FSTL5: variants seen among roughly 807,000 people sequenced by gnomAD.
The protein encoded by FSTL5 is follistatin like 5, also known as follistatin-related protein 5.
In FSTL5, 62 loss-of-function variants were observed where a neutral mutation model predicts 89.1. The ratio of observed to expected loss-of-function variants is 0.70; its 90% CI spans 0.57 to 0.86. The LOEUF is 0.86. Among genes scored for constraint, FSTL5 ranks in the 40% least tolerant of loss-of-function variants. The pLI is 0.00. For synonymous variants in FSTL5, 383 were observed against 346.2 expected (o/e 1.11, Z -1.18); for missense variants, 1,057 against 1,001.6 (o/e 1.06, Z -0.75).
intron 7 of FSTL5, among the ~76,000 whole-genome samples, chr4:161,610,885 T>G (rs1023109241): frequency 6.6e-6 from 1 of 151,962 alleles, no homozygotes; most frequent in African/African-American, 2.4e-5. Flanking sequence ...AAAAATCAAC[T>G]ATGCTAGATC....
At chr4:161,697,722 A>G (rs1056450239) in intron 6 of FSTL5, among the ~76,000 whole-genome samples, 1 of 152,168 alleles carries the variant, frequency 6.6e-6, no homozygotes, top group African/African-American at 2.4e-5. Context: ...CTTAGAGGGC[A>G]TTGTGTTAAG....
rs553084884 is a variant in FSTL5, at chr4:161,383,918, C to A, written c.*1829G>T. ...AGGGTTAAAATGTAAGAGGTTTATT[C>A]TCCTTTTATCAAGCAGTGTCTACAG... On this transcript the variant is annotated 3_prime_UTR_variant, in exon 16 of 16. Transcript: ENST00000306100. 2.6e-4 allele frequency: 39 copies of A among 152,220 alleles called. No individual in the cohort carries two copies. Among genetic ancestry groups the A allele is most frequent in the African/African-American group, 9.1e-4 (38 of 41,544 alleles). The allele number at this position is 152,220 out of a possible 1,614,324, so 9.4% of individuals were successfully genotyped here.
At chr4:161,831,393 C>T (rs1048467555) in intron 4 of FSTL5, among the ~76,000 whole-genome samples, 5 of 151,770 alleles carry the variant, frequency 3.3e-5, no homozygotes, top group African/African-American at 1.2e-4. Context: ...CACCATTTGC[C>T]TGGCTATTAA....
At chr4:161,644,848 A>C (rs1435350119) in intron 7 of FSTL5, among the ~76,000 whole-genome samples, 2 of 152,150 alleles carry the variant, frequency 1.3e-5, no homozygotes, top group Non-Finnish European at 2.9e-5. Context: ...ACAGGCCTTA[A>C]ACTAAGGCAG....
intron 8 of FSTL5, among the ~76,000 whole-genome samples, chr4:161,544,398 T>C (rs1731938109): frequency 6.6e-6 from 1 of 152,018 alleles, no homozygotes; most frequent in Non-Finnish European, 1.5e-5. Flanking sequence ...TTACATATTA[T>C]ATTAATCCAT....
At chr4:161,399,534 T>C (rs1731110661) in intron 15 of FSTL5, among the ~76,000 whole-genome samples, 1 of 152,054 alleles carries the variant, frequency 6.6e-6, no homozygotes, top group Non-Finnish European at 1.5e-5. Context: ...GACCTCCATC[T>C]ATGGTACATT....
chr4:161,566,639 AG>A (rs1732826452), intron 8 of FSTL5, among the ~76,000 whole-genome samples: 2 of 151,948 alleles, frequency 1.3e-5, no homozygotes, highest in African/African-American at 4.8e-5. Context: ...TTTTTAACAA[AG>A]GCCATTCTAA....
chr4:161,954,633 T>C (rs1009039985), intron 3 of FSTL5, among the ~76,000 whole-genome samples: 1 of 151,674 alleles, frequency 6.6e-6, no homozygotes, highest in African/African-American at 2.4e-5. Flanking sequence ...CTGTCTATCA[T>C]CTATCATCAT....
At chr4:161,638,441 T>C (rs570488721) in intron 7 of FSTL5, among the ~76,000 whole-genome samples, 4 of 152,266 alleles carry the variant, frequency 2.6e-5, no homozygotes, top group South Asian at 2.1e-4. Flanking sequence ...CTTTTCCTAA[T>C]TGAATACCCT....
Position 161,553,945 on chromosome 4 carries a change from T to C in FSTL5, c.1016-11252A>G, listed in dbSNP as rs75559791. ...ACAAATCTAATAAAATTTTATTTAG[T>C]TCATCTGATGGTTCTTAGAGCATCA... On this transcript the variant is annotated intron_variant, in intron 8 of 15. Transcript: ENST00000306100. Among the ~76,000 whole-genome samples, 1,177 of 151,670 alleles carry C rather than the reference T, an allele frequency of 7.8e-3. 14 individuals are homozygous for C. Among genetic ancestry groups the C allele is most frequent in the African/African-American group, 0.027 (1,116 of 41,476 alleles).
chr4:161,747,502 T>C lies in FSTL5; in HGVS notation c.727+11909A>G, dbSNP rs140943590. On this transcript the variant is annotated intron_variant, in intron 6 of 15. Transcript: ENST00000306100. ...TAAGCAACACTGAAAAGAAAGAGGGTAATCTTGCAAAGTTCTCTAGACGGT... is the reference window on the plus strand; with the variant it reads ...TAAGCAACACTGAAAAGAAAGAGGGCAATCTTGCAAAGTTCTCTAGACGGT... 2.2e-4 allele frequency among the ~76,000 whole-genome samples: 34 copies of C among 152,308 alleles called. No homozygotes were observed. The East Asian group carries it at 6.6e-3, about 29-fold the overall frequency.
chr4:162,137,128 T>C (rs1732550635), intron 1 of FSTL5, among the ~76,000 whole-genome samples: 1 of 152,076 alleles, frequency 6.6e-6, no homozygotes, highest in Non-Finnish European at 1.5e-5. Context: ...TTTTCCTACC[T>C]TGGCTATAAA....
At chr4:161,798,628 G>A (rs1560852450) in intron 4 of FSTL5, among the ~76,000 whole-genome samples, 1 of 151,346 alleles carries the variant, frequency 6.6e-6, no homozygotes. Flanking sequence ...CAAACTCCTG[G>A]TATTTGGTCC....
rs112526496 is a variant in FSTL5, at chr4:161,954,503, C to T, written c.161-33851G>A. Among the ~76,000 whole-genome samples the T allele has an allele frequency of 3.6e-3, 541 of 151,528 alleles. 2 individuals are homozygous for T. The highest frequency in any genetic ancestry group is 0.013 in the African/African-American group (520 of 41,444). On this transcript the variant is annotated intron_variant, in intron 3 of 15. Coordinates refer to ENST00000306100, the MANE Select transcript of FSTL5 (RefSeq NM_020116.5). The stretch of plus-strand genomic sequence containing the variant: ...TCCCTTCAGACCACCCATTGCATAT[C>T]GGGATATACCTGTAAAGTATGTGTG...
intron 15 of FSTL5, among the ~76,000 whole-genome samples, chr4:161,438,630 T>A (rs77615249): frequency 0.048 from 7,237 of 152,198 alleles, 439 homozygotes; most frequent in East Asian, 0.19. Context: ...GTTCTATAAT[T>A]CATAAAAGTA....
chr4:162,133,082 G>A (rs1452314654), intron 1 of FSTL5, among the ~76,000 whole-genome samples: 1 of 152,056 alleles, frequency 6.6e-6, no homozygotes, highest in Non-Finnish European at 1.5e-5. Context: ...GAGTAGCTGG[G>A]ACTACAGGCG....
At chr4:161,847,808 G>A (rs1475927987) in intron 4 of FSTL5, among the ~76,000 whole-genome samples, 6 of 151,770 alleles carry the variant, frequency 4.0e-5, no homozygotes, top group Non-Finnish European at 8.8e-5. Context: ...AGGCCAGGGC[G>A]GGAAGATCAC....
chr4:162,026,314 T>TTTTTTTTTTTC (rs1490113067), intron 3 of FSTL5, among the ~76,000 whole-genome samples: 1 of 132,474 alleles, frequency 7.5e-6, no homozygotes, highest in Non-Finnish European at 1.6e-5. Flanking sequence ...CTTTTTTTTT[T>TTTTTTTTTTTC]TTTTTCTTTT....
chr4:161,415,188 T>A (rs2110948231), intron 15 of FSTL5, among the ~76,000 whole-genome samples: 1 of 152,298 alleles, frequency 6.6e-6, no homozygotes, highest in East Asian at 1.9e-4. Context: ...ATAAATATAT[T>A]TAAGAGTTAC....
Sources: allele counts gnomAD v4.1 joint callset (sites outside exome capture counted in the v4.1 genomes callset), GRCh38; gene constraint gnomAD v4.1.1; transcripts MANE v1.5; gene names NCBI Gene and HGNC (gene_info 2026-07-23, HGNC 2026-07-21).